NCK2: variants seen among roughly 807,000 people sequenced by gnomAD.
NCK2 encodes the protein NCK adaptor protein 2.
In NCK2, 16 loss-of-function variants were observed where a neutral mutation model predicts 33.9. That is an observed-to-expected ratio of 0.47 (90% CI 0.32 to 0.72). NCK2 has a LOEUF of 0.72. Ranked by LOEUF, NCK2 falls within the 30% of genes least tolerant of loss-of-function variation. The probability of loss-of-function intolerance (pLI) is 0.03; values close to 1 mark genes in which losing one functional copy is unlikely to be tolerated. For synonymous variants in NCK2, 273 were observed against 239.9 expected (o/e 1.14, Z -1.27); for missense variants, 418 against 537.3 (o/e 0.78, Z 2.19).
chr2:105,866,648 A>G (rs1160541379), intron 3 of NCK2, among the ~76,000 whole-genome samples: 1 of 152,196 alleles, frequency 6.6e-6, no homozygotes, highest in African/African-American at 2.4e-5. Flanking sequence ...GCCTGACAGG[A>G]GGCAGAGCTC....
chr2:105,832,666 T>C (rs967652189), intron 2 of NCK2, among the ~76,000 whole-genome samples: 2 of 151,990 alleles, frequency 1.3e-5, no homozygotes, highest in Admixed American at 6.6e-5. Flanking sequence ...TCATGGTGTA[T>C]TGTCTTTTTG....
At chr2:105,864,365 C>T (rs2104610859) in intron 3 of NCK2, among the ~76,000 whole-genome samples, 1 of 152,116 alleles carries the variant, frequency 6.6e-6, no homozygotes, top group African/African-American at 2.4e-5. Flanking sequence ...TGAAGGAAAA[C>T]CCCTAGGACT....
intron 1 of NCK2, among the ~76,000 whole-genome samples, chr2:105,756,514 G>A (rs1689602954): frequency 6.6e-6 from 1 of 152,206 alleles, no homozygotes; most frequent in South Asian, 2.1e-4. Context: ...GTCAGGTAGA[G>A]GGAGGCCAGT....
Position 105,882,299 on chromosome 2 carries a change from TTC to T in NCK2, c.948+255_948+256del, listed in dbSNP as rs552069707. The stretch of plus-strand genomic sequence containing the variant: ...TTTTAGCTCACAGAGGTGGTTCTGC[TTC>T]TCTCCCAAGATTCCCCCTCTTGTAT... On this transcript the variant is annotated intron_variant, in intron 4 of 4. Coordinates refer to ENST00000233154, the MANE Select transcript of NCK2 (RefSeq NM_003581.5). Among the ~76,000 whole-genome samples the T allele has an allele frequency of 1.7e-3, 258 of 152,338 alleles. 11 individuals carry two copies. In the South Asian group the frequency reaches 0.051, roughly 30 times the overall value.
intron 3 of NCK2, among the ~76,000 whole-genome samples, chr2:105,855,995 C>T (rs1462350185): frequency 2.6e-5 from 4 of 152,142 alleles, no homozygotes; most frequent in Non-Finnish European, 4.4e-5. Context: ...CCACCACATC[C>T]GGCTAATTTT....
chr2:105,796,183 C>T (rs191427338), intron 1 of NCK2, among the ~76,000 whole-genome samples: 2 of 152,302 alleles, frequency 1.3e-5, no homozygotes, highest in African/African-American at 4.8e-5. Flanking sequence ...CTGTATTGGC[C>T]GCCCTCTGGG....
intron 3 of NCK2, among the ~76,000 whole-genome samples, chr2:105,878,960 G>T (rs1678349426): frequency 6.6e-6 from 1 of 152,158 alleles, no homozygotes; most frequent in Non-Finnish European, 1.5e-5. Flanking sequence ...GAACTCAGTG[G>T]CTGTATTAAT....
chr2:105,806,764 C>T (rs550190366), intron 1 of NCK2, among the ~76,000 whole-genome samples: 40 of 152,218 alleles, frequency 2.6e-4, no homozygotes, highest in Non-Finnish European at 4.7e-4. Flanking sequence ...ACATGCAGTG[C>T]GGTATTTTCA....
chr2:105,789,752 G>A (rs953921366), intron 1 of NCK2, among the ~76,000 whole-genome samples: 1 of 152,172 alleles, frequency 6.6e-6, no homozygotes, highest in Non-Finnish European at 1.5e-5. Flanking sequence ...TTAACGGGAG[G>A]GCTTTTTCTG....
rs1013789980 is a variant in NCK2 at position 105,817,159 on chromosome 2, C to T, written c.-17+546C>T. On this transcript the variant is annotated intron_variant, in intron 2 of 4. Transcript: ENST00000233154. ...CCACTGCACTCCAGCCTGGGCAACA[C>T]GGCAAGACTTGGTCTCAAAAAAAAA... is the stretch of plus-strand genomic sequence containing the variant. 1.1e-4 allele frequency among the ~76,000 whole-genome samples: 14 copies of T among 124,804 alleles called. 1 individual carries two copies. The highest frequency in any genetic ancestry group is 4.2e-4 in the African/African-American group (13 of 30,970). 81.9% of individuals were successfully genotyped at this position (124,804 alleles called of 152,430 possible). A position where few individuals can be genotyped will look rare whatever the true frequency, so the allele number is the denominator to read the frequency against.
At chr2:105,839,867 C>G (rs1676572471) in intron 2 of NCK2, among the ~76,000 whole-genome samples, 1 of 152,156 alleles carries the variant, frequency 6.6e-6, no homozygotes, top group Non-Finnish European at 1.5e-5. Flanking sequence ...AGCCAGAAAA[C>G]TAAGAAGGAA....
At chr2:105,776,738 C>G (rs906937868) in intron 1 of NCK2, among the ~76,000 whole-genome samples, 1 of 152,164 alleles carries the variant, frequency 6.6e-6, no homozygotes, top group South Asian at 2.1e-4. Context: ...GCTCCGGGCT[C>G]CCAGCTCCTG....
In NCK2 at chr2:105,766,075, G is replaced by A. The variant is rs114995510; in HGVS notation, c.-201+20937G>A. On this transcript the variant is annotated intron_variant, in intron 1 of 4. Coordinates refer to ENST00000233154, the MANE Select transcript of NCK2 (RefSeq NM_003581.5). ...CAGGACTCCCTGACATTGCTACCAT[G>A]GATAGTAGAAATCGCTTTATACTGT... Among the ~76,000 whole-genome samples, 953 of 152,202 alleles carry A rather than the reference G, an allele frequency of 6.3e-3. 10 individuals carry two copies. The highest frequency in any genetic ancestry group is 0.022 in the African/African-American group (903 of 41,496).
At chr2:105,808,786 A>G (rs143896992) in intron 1 of NCK2, among the ~76,000 whole-genome samples, 25 of 152,346 alleles carry the variant, frequency 1.6e-4, no homozygotes, top group African/African-American at 5.3e-4. Context: ...AAATCGGGAC[A>G]CTAATGAGAT....
intron 1 of NCK2, among the ~76,000 whole-genome samples, chr2:105,783,855 G>T (rs574696529): frequency 5.9e-5 from 9 of 152,202 alleles, no homozygotes; most frequent in South Asian, 4.1e-4. Flanking sequence ...AGTGGGAGTT[G>T]TTTCGCTTCT....
At chr2:105,757,018 TG>T (rs1162346521) in intron 1 of NCK2, among the ~76,000 whole-genome samples, 1 of 152,138 alleles carries the variant, frequency 6.6e-6, no homozygotes, top group Non-Finnish European at 1.5e-5. Flanking sequence ...TTGGTCAGGT[TG>T]GTCTTGAACT....
intron 1 of NCK2, among the ~76,000 whole-genome samples, chr2:105,774,628 A>G (rs1349703721): frequency 1.3e-5 from 2 of 152,124 alleles, no homozygotes; most frequent in Middle Eastern, 3.4e-3. Flanking sequence ...CACACACACA[A>G]CGAACTCTAG....
intron 1 of NCK2, among the ~76,000 whole-genome samples, chr2:105,798,841 C>T (rs956155657): frequency 1.3e-5 from 2 of 152,152 alleles, no homozygotes; most frequent in Non-Finnish European, 2.9e-5. Context: ...AGTTGTTCAC[C>T]GAGCTTCCTC....
intron 4 of NCK2, among the ~76,000 whole-genome samples, chr2:105,883,328 T>C (rs1678585004): frequency 6.6e-6 from 1 of 152,228 alleles, no homozygotes; most frequent in Non-Finnish European, 1.5e-5. Context: ...AGCAGCGCTT[T>C]TAACTCAATC....
Sources: allele counts gnomAD v4.1 joint callset (sites outside exome capture counted in the v4.1 genomes callset), GRCh38; gene constraint gnomAD v4.1.1; transcripts MANE v1.5; gene names NCBI Gene and HGNC (gene_info 2026-07-23, HGNC 2026-07-21).